Variants in KDM4B observed in about 807,000 individuals in gnomAD.
KDM4B encodes the protein lysine demethylase 4B, also known as lysine-specific demethylase 4B.
Under a neutral mutation model 125.2 loss-of-function variants are expected in KDM4B, and 32 were observed. The ratio of observed to expected loss-of-function variants is 0.26; its 90% CI spans 0.19 to 0.34. KDM4B has a LOEUF of 0.34. Ranked by LOEUF, KDM4B falls within the 10% of genes least tolerant of loss-of-function variation. The probability of loss-of-function intolerance (pLI) is 1.00; values close to 1 mark genes in which losing one functional copy is unlikely to be tolerated. For synonymous variants in KDM4B, 721 were observed against 677.9 expected (o/e 1.06, Z -0.99); for missense variants, 1,190 against 1,577.7 (o/e 0.75, Z 4.16).
chr19:5,081,398 G>T lies in KDM4B; in HGVS notation c.781-969G>T, dbSNP rs532928355. On this transcript the variant is annotated intron_variant, in intron 8 of 22. Transcript: ENST00000159111. The surrounding 1 kb of genome is among the most constrained non-coding windows in gnomAD (Gnocchi z 4.2). ...GAGTGGGGGTCAGTGTGGCCATCTCGAGTGTCCCCAGAGTGGGGAGGGTTC... is the reference window on the plus strand; with the variant it reads ...GAGTGGGGGTCAGTGTGGCCATCTCTAGTGTCCCCAGAGTGGGGAGGGTTC... Among the ~76,000 whole-genome samples, 33 of 152,176 alleles carry T rather than the reference G, an allele frequency of 2.2e-4. No homozygotes were observed. Among genetic ancestry groups the T allele is most frequent in the African/African-American group, 8.0e-4 (33 of 41,432 alleles).
chr19:5,113,941 G>A, intron 10 of KDM4B: 1 of 1,224,318 alleles, frequency 8.2e-7, no homozygotes, highest in Middle Eastern at 2.3e-4. Context: ...AGAGGACACG[G>A]CCTACTCCCT....
chr19:4,979,188 C>T (rs556219394), intron 1 of KDM4B, among the ~76,000 whole-genome samples: 39 of 151,986 alleles, frequency 2.6e-4, no homozygotes, highest in Non-Finnish European at 5.3e-4. Flanking sequence ...GAGGCTGAGG[C>T]GGGAGGATTG....
At chr19:5,016,159 G>A (rs2035886602) in intron 1 of KDM4B, 98 bp from the exon 2 acceptor site, 1 of 152,226 alleles carries the variant, frequency 6.6e-6, no homozygotes, top group African/African-American at 2.4e-5. Flanking sequence ...AAAGGCAAGC[G>A]TCCTCGGGCT....
chr19:5,001,513 G>T (rs953733606), intron 1 of KDM4B, among the ~76,000 whole-genome samples: 1 of 152,204 alleles, frequency 6.6e-6, no homozygotes, highest in Non-Finnish European at 1.5e-5. Flanking sequence ...TTGTTTCCAG[G>T]CTCTTACGGT....
chr19:5,117,236 G>A (rs1229353006), intron 10 of KDM4B, among the ~76,000 whole-genome samples: 1 of 151,984 alleles, frequency 6.6e-6, no homozygotes, highest in East Asian at 1.9e-4. Context: ...GACACAGTAA[G>A]GCTTGAAGGC....
At chr19:5,007,908 C>A (rs2035612202) in intron 1 of KDM4B, among the ~76,000 whole-genome samples, 1 of 152,116 alleles carries the variant, frequency 6.6e-6, no homozygotes, top group South Asian at 2.1e-4. Flanking sequence ...TCCACATGCA[C>A]TTTTGGTGTT....
intron 7 of KDM4B, among the ~76,000 whole-genome samples, chr19:5,073,250 G>T (rs1353806269): frequency 6.6e-6 from 1 of 152,260 alleles, no homozygotes; most frequent in Admixed American, 6.5e-5. Context: ...TGAGCGGTCA[G>T]GGAGCACCTG....
At chr19:5,022,701 G>T (rs138331226) in intron 2 of KDM4B, among the ~76,000 whole-genome samples, 6 of 152,216 alleles carry the variant, frequency 3.9e-5, no homozygotes, top group Non-Finnish European at 8.8e-5. Flanking sequence ...TGGTGTTGCA[G>T]GGGAGCTGGG....
chr19:5,088,188 G>T (rs1331453588), intron 9 of KDM4B, among the ~76,000 whole-genome samples: 2 of 152,222 alleles, frequency 1.3e-5, no homozygotes, highest in African/African-American at 4.8e-5. Flanking sequence ...GCCCCCAAGG[G>T]CCCATCGTTT....
In KDM4B at chr19:5,017,763, C is replaced by CA. The variant is rs113388511; in HGVS notation, c.-26+1425dup. ...TTATTTATTTTTATTTTTTTTGAGA[C>CA]AGAGTCTCCCTCTGTCACCCAGGCT... On this transcript the variant is annotated intron_variant, in intron 2 of 22. Transcript: ENST00000159111. Among the ~76,000 whole-genome samples, 1,114 of 152,164 alleles carry CA rather than the reference C, an allele frequency of 7.3e-3. 16 individuals carry two copies. The highest frequency in any genetic ancestry group is 0.023 in the African/African-American group (940 of 41,506).
intron 9 of KDM4B, among the ~76,000 whole-genome samples, chr19:5,104,896 TGTATGA>T: frequency 6.6e-6 from 1 of 152,268 alleles, no homozygotes; most frequent in East Asian, 1.9e-4. Context: ...TTTTCTCCCA[TGTATGA>T]GTGTCTGGGC....
chr19:5,061,231 G>A (rs920205154), intron 6 of KDM4B, among the ~76,000 whole-genome samples: 5 of 152,168 alleles, frequency 3.3e-5, no homozygotes, highest in African/African-American at 1.2e-4. Context: ...TCCTGTGGGC[G>A]GCTCTCCCCA....
At chr19:5,075,335 C>G (rs987888106) in intron 7 of KDM4B, 1 of 152,304 alleles carries the variant, frequency 6.6e-6, no homozygotes, top group Non-Finnish European at 1.5e-5. Context: ...GTGTTGCACA[C>G]TGAGGGGCGT....
Position 5,114,800 on chromosome 19 carries a change from T to C in KDM4B, c.1115+3982T>C, listed in dbSNP as rs1188083781. Among the ~76,000 whole-genome samples, 1 of 152,226 alleles carries C rather than the reference T, an allele frequency of 6.6e-6. No individual in the cohort carries two copies. Among genetic ancestry groups the C allele is most frequent in the Non-Finnish European group, 1.5e-5 (1 of 68,040 alleles). ...CACTCTGGGTGCTGCAGGTGCCCTG[T>C]GTTACTGGGTGACAGGGCCAGAGGC... On this transcript the variant is annotated intron_variant, in intron 10 of 22. Coordinates refer to ENST00000159111, the MANE Select transcript of KDM4B (RefSeq NM_015015.3). This position sits in a 1 kb window ranked among gnomAD's most constrained non-coding sequence, Gnocchi z 5.8.
intron 11 of KDM4B, among the ~76,000 whole-genome samples, chr19:5,120,980 C>T (rs913600811): frequency 2.6e-5 from 4 of 152,294 alleles, no homozygotes; most frequent in South Asian, 2.1e-4. Flanking sequence ...CTCCAGGACG[C>T]GCTGGTGCCC....
At chr19:5,008,890 C>G (rs1429466318) in intron 1 of KDM4B, among the ~76,000 whole-genome samples, 1 of 148,514 alleles carries the variant, frequency 6.7e-6, no homozygotes, top group Non-Finnish European at 1.5e-5. Context: ...CATGAGTGAC[C>G]ATGCCTGGCC....
chr19:5,093,738 G>C (rs566981435), intron 9 of KDM4B, among the ~76,000 whole-genome samples: 1 of 152,196 alleles, frequency 6.6e-6, no homozygotes, highest in Non-Finnish European at 1.5e-5. Flanking sequence ...CACTCGCCCC[G>C]GTTGGTGTCT....
chr19:5,132,403 AGCC>A (rs2039574419), intron 13 of KDM4B, among the ~76,000 whole-genome samples: 1 of 152,206 alleles, frequency 6.6e-6, no homozygotes, highest in Non-Finnish European at 1.5e-5. Context: ...TTTAACCCTC[AGCC>A]GAGAGCTGCT....
chr19:5,054,866 G>A (rs903728202), intron 6 of KDM4B, among the ~76,000 whole-genome samples: 1 of 152,242 alleles, frequency 6.6e-6, no homozygotes, highest in African/African-American at 2.4e-5. Flanking sequence ...CCTCGCTCTT[G>A]TCACTACCAC....
Sources: allele counts gnomAD v4.1 joint callset (sites outside exome capture counted in the v4.1 genomes callset), GRCh38; gene constraint gnomAD v4.1.1; non-coding constraint Gnocchi (gnomAD v3.1); transcripts MANE v1.5; gene names NCBI Gene and HGNC (gene_info 2026-07-23, HGNC 2026-07-21).